Variants in AGPAT3 observed in about 807,000 individuals in gnomAD.
The protein encoded by AGPAT3 is 1-acyl-sn-glycerol-3-phosphate acyltransferase gamma.
Under a neutral mutation model 47.3 loss-of-function variants are expected in AGPAT3, and 5 were observed. The observed-to-expected ratio is 0.11, with a 90% CI of 0.06 to 0.22. The LOEUF (loss-of-function observed/expected upper bound fraction) is 0.22. Among genes scored for constraint, AGPAT3 ranks in the 10% least tolerant of loss-of-function variants. The pLI is 1.00. For synonymous variants in AGPAT3, 212 were observed against 208.3 expected, an observed-to-expected ratio of 1.02 and a Z score of -0.15; for missense variants, 315 against 493.0, an observed-to-expected ratio of 0.64 and a Z score of 3.42.
At chr21:43,921,909 A>T (rs918487390) in intron 2 of AGPAT3, among the ~76,000 whole-genome samples, 4 of 151,914 alleles carry the variant, frequency 2.6e-5, no homozygotes, top group Admixed American at 2.0e-4. Context: ...CTCCCCCACC[A>T]AGGTGTGGGG....
intron 1 of AGPAT3, among the ~76,000 whole-genome samples, chr21:43,885,248 T>C (rs1442450648): frequency 2.6e-5 from 4 of 152,282 alleles, no homozygotes; most frequent in Non-Finnish European, 4.4e-5. Flanking sequence ...ACGGGTTCCC[T>C]GCACAGCTGC....
intron 1 of AGPAT3, among the ~76,000 whole-genome samples, chr21:43,876,557 C>T (rs1035193831): frequency 6.6e-6 from 1 of 152,176 alleles, no homozygotes; most frequent in African/African-American, 2.4e-5. Flanking sequence ...ACATAATTGA[C>T]TTAGATGGAA....
rs572410765 is a variant in AGPAT3 at position 43,983,447 on chromosome 21, C to G, written c.*1055C>G. 1.6e-4 allele frequency: 24 copies of G among 152,352 alleles called. No homozygotes were observed. Among genetic ancestry groups the G allele is most frequent in the African/African-American group, 5.3e-4 (22 of 41,570 alleles). 9.4% of individuals were successfully genotyped at this position (152,352 alleles called of 1,614,324 possible). On this transcript the variant is annotated 3_prime_UTR_variant, in exon 10 of 10. Transcript: ENST00000291572. ...GAAACTAGAGGTGGGGCACCCCCCA[C>G]CCCCCAGCCTCGCACTGTGTCCTTG...
chr21:43,956,356 T>TC (rs2088467099), intron 2 of AGPAT3, among the ~76,000 whole-genome samples: 1 of 152,154 alleles, frequency 6.6e-6, no homozygotes, highest in Non-Finnish European at 1.5e-5. Flanking sequence ...TACTGCTGAC[T>TC]CCCTGTGTGG....
chr21:43,928,740 G>A (rs1430262819), intron 2 of AGPAT3, among the ~76,000 whole-genome samples: 2 of 152,194 alleles, frequency 1.3e-5, no homozygotes, highest in Non-Finnish European at 1.5e-5. Flanking sequence ...TGGGGCACTC[G>A]CTACTGGAGA....
At chr21:43,943,714 C>T (rs1403795399) in intron 2 of AGPAT3, among the ~76,000 whole-genome samples, 11 of 152,276 alleles carry the variant, frequency 7.2e-5, no homozygotes, top group African/African-American at 2.2e-4. Flanking sequence ...TGCAGCTGCA[C>T]CCCCGGGAGG....
In AGPAT3 at chr21:43,922,945, G is replaced by A. The variant is rs961167634; in HGVS notation, c.-49+18926G>A. On this transcript the variant is annotated intron_variant, in intron 2 of 9. Coordinates refer to ENST00000291572, the MANE Select transcript of AGPAT3 (RefSeq NM_020132.5). This position sits in a 1 kb window ranked among gnomAD's most constrained non-coding sequence, Gnocchi z 4.9. ...CCCAGCGGGGCGGGCTCTGGGGTGCGAGCGTCTGTTCTGTGTCAGGAGTCC... is the reference window on the plus strand; with the variant it reads ...CCCAGCGGGGCGGGCTCTGGGGTGCAAGCGTCTGTTCTGTGTCAGGAGTCC... Among the ~76,000 whole-genome samples, 15 of 152,216 alleles carry A rather than the reference G, an allele frequency of 9.9e-5. No individual in the cohort carries two copies. The highest frequency in any genetic ancestry group is 1.3e-4 in the Admixed American group (2 of 15,288).
At chr21:43,972,889 T>A (rs1389689740) in intron 7 of AGPAT3, among the ~76,000 whole-genome samples, 1 of 152,214 alleles carries the variant, frequency 6.6e-6, no homozygotes, top group African/African-American at 2.4e-5. Flanking sequence ...TTGCCACATG[T>A]AAAGCTGCAC....
rs145406799 is a variant in AGPAT3 at position 43,920,783 on chromosome 21, C to T, written c.-49+16764C>T. 2.9e-3 allele frequency among the ~76,000 whole-genome samples: 449 copies of T among 152,330 alleles called. 5 individuals carry two copies. Among genetic ancestry groups the T allele is most frequent in the African/African-American group, 9.6e-3 (398 of 41,556 alleles). ...GCTCCGAGCTCCCTGCCCCATACCT[C>T]ACCCTGTGCATCTCTTCATCTGTAT... is the stretch of plus-strand genomic sequence containing the variant. On this transcript the variant is annotated intron_variant, in intron 2 of 9. Coordinates refer to ENST00000291572, the MANE Select transcript of AGPAT3 (RefSeq NM_020132.5). This position sits in a 1 kb window ranked among gnomAD's most constrained non-coding sequence, Gnocchi z 6.1.
Position 43,947,414 on chromosome 21 carries a change from C to G in AGPAT3, c.-48-12220C>G, listed in dbSNP as rs560050810. On this transcript the variant is annotated intron_variant, in intron 2 of 9. Coordinates refer to ENST00000291572, the MANE Select transcript of AGPAT3 (RefSeq NM_020132.5). The stretch of plus-strand genomic sequence containing the variant: ...ATAAGAGAGGCCGACCAGGGCTGCC[C>G]AAGCGGAGCTTCTGTTTGGCCTCTA... Among the ~76,000 whole-genome samples, 18 of 152,322 alleles carry G rather than the reference C, an allele frequency of 1.2e-4. No homozygotes were observed. In the South Asian group the frequency reaches 3.7e-3, roughly 32 times the overall value.
intron 1 of AGPAT3, among the ~76,000 whole-genome samples, chr21:43,891,012 A>G (rs1440797224): frequency 6.6e-6 from 1 of 152,214 alleles, no homozygotes; most frequent in East Asian, 1.9e-4. Context: ...TACTGGGATT[A>G]CAGGTGTGAG....
intron 1 of AGPAT3, among the ~76,000 whole-genome samples, chr21:43,895,136 G>GCT (rs1384435101): frequency 6.7e-6 from 1 of 149,578 alleles, no homozygotes; most frequent in African/African-American, 2.5e-5. Flanking sequence ...ACAGAGTCTT[G>GCT]CTCTGTCCCC....
At chr21:43,887,477 TGAA>T (rs2086006488) in intron 1 of AGPAT3, among the ~76,000 whole-genome samples, 2 of 152,210 alleles carry the variant, frequency 1.3e-5, no homozygotes, top group African/African-American at 2.4e-5. Context: ...ATTGTGATGA[TGAA>T]GAAGGCCTTA....
intron 3 of AGPAT3, chr21:43,967,642 G>T (rs901669371): frequency 1.2e-5 from 4 of 336,362 alleles, no homozygotes; most frequent in Non-Finnish European, 2.2e-5. Flanking sequence ...GGGCGTGGCT[G>T]TGCGGTACTC....
chr21:43,899,075 A>G lies in AGPAT3; in HGVS notation c.-111-4882A>G, dbSNP rs76457981. Among the ~76,000 whole-genome samples, 1,360 of 152,276 alleles carry G rather than the reference A, an allele frequency of 8.9e-3. 23 individuals carry two copies. The highest frequency in any genetic ancestry group is 0.031 in the African/African-American group (1,277 of 41,550). On this transcript the variant is annotated intron_variant, in intron 1 of 9. Coordinates refer to ENST00000291572, the MANE Select transcript of AGPAT3 (RefSeq NM_020132.5). ...CCGCTCTCTTTCCTTTACGTTTTGC[A>G]TCTCAGACTTCCCATCTGGGATCTC...
At chr21:43,921,367 C>T (rs979134565) in intron 2 of AGPAT3, among the ~76,000 whole-genome samples, 4 of 152,114 alleles carry the variant, frequency 2.6e-5, no homozygotes, top group Admixed American at 1.3e-4. Context: ...TTCTGTGAGC[C>T]GTCCTAGCAA....
rs540070362 is a variant in AGPAT3 at position 43,936,266 on chromosome 21, G to T, written c.-48-23368G>T. ...CCCCTTGTGCCTGACGTCACACCAG[G>T]CTGGCACCAGGCCTCCAACCCCAGC... On this transcript the variant is annotated intron_variant, in intron 2 of 9. Transcript: ENST00000291572. Among the ~76,000 whole-genome samples, 188 of 152,376 alleles carry T rather than the reference G, an allele frequency of 1.2e-3. 1 individual carries two copies. The highest frequency in any genetic ancestry group is 4.4e-3 in the African/African-American group (182 of 41,598).
At position 43,908,971 on chromosome 21, in the gene AGPAT3, C is replaced by T. The variant is rs2086566804; in HGVS notation, c.-49+4952C>T. ...GGGTCCTTACGTGCCCTGTCACAGC[C>T]AGCCCTGCCCTGGAGAGAGAGGCCA... On this transcript the variant is annotated intron_variant, in intron 2 of 9. Coordinates refer to ENST00000291572, the MANE Select transcript of AGPAT3 (RefSeq NM_020132.5). This position sits in a 1 kb window ranked among gnomAD's most constrained non-coding sequence, Gnocchi z 4.9. Among the ~76,000 whole-genome samples, 1 of 152,232 alleles carries T rather than the reference C, an allele frequency of 6.6e-6. No individual in the cohort carries two copies. The highest frequency in any genetic ancestry group is 2.1e-4 in the South Asian group (1 of 4,834).
intron 3 of AGPAT3, 118 bp downstream of exon 3, chr21:43,959,977 G>C (rs527701707): frequency 2.7e-6 from 3 of 1,129,924 alleles, no homozygotes; most frequent in Non-Finnish European, 3.7e-6. Flanking sequence ...AGGAGGTGCC[G>C]AGGCCATCTG....
Sources: allele counts gnomAD v4.1 joint callset (sites outside exome capture counted in the v4.1 genomes callset), GRCh38; gene constraint gnomAD v4.1.1; non-coding constraint Gnocchi (gnomAD v3.1); transcripts MANE v1.5; gene names NCBI Gene and HGNC (gene_info 2026-07-23, HGNC 2026-07-21).